Variants in LRRC63 observed in about 807,000 individuals in gnomAD.
The protein encoded by LRRC63 is leucine-rich repeat-containing protein 63.
In LRRC63, 40 loss-of-function variants were observed where a neutral mutation model predicts 49.5. That is an observed-to-expected ratio of 0.81 (90% CI 0.63 to 1.05). The LOEUF is 1.05. Among genes scored for constraint, LRRC63 ranks in the 50% least tolerant of loss-of-function variants. The pLI is 0.00. For synonymous variants in LRRC63, 191 were observed against 221.1 expected, an observed-to-expected ratio of 0.86 and a Z score of 1.21; for missense variants, 636 against 663.1, an observed-to-expected ratio of 0.96 and a Z score of 0.45.
chr13:46,212,803 A>C (rs1413708179), intron 1 of LRRC63, among the ~76,000 whole-genome samples, 199 bp from the exon 2 acceptor site: 3 of 152,198 alleles, frequency 2.0e-5, no homozygotes, highest in African/African-American at 4.8e-5. Context: ...ATAACCCTAC[A>C]TTTTAACTGG....
chr13:46,269,485 A>C (rs1292953413), intron 9 of LRRC63, among the ~76,000 whole-genome samples: 4 of 152,068 alleles, frequency 2.6e-5, no homozygotes, highest in African/African-American at 9.7e-5. Context: ...CAATAAAATC[A>C]GATTCCAGCT....
chr13:46,227,732 T>C, exon 3 of LRRC63: 1 of 1,550,470 alleles, frequency 6.4e-7, no homozygotes, highest in South Asian at 1.2e-5. Context: ...AGATTCCAGA[T>C]ACTGCTACTG....
At chr13:46,218,580 A>G (rs1157894357) in intron 2 of LRRC63, among the ~76,000 whole-genome samples, 1 of 152,134 alleles carries the variant, frequency 6.6e-6, no homozygotes, top group Non-Finnish European at 1.5e-5. Context: ...CTGTTTTAAT[A>G]GGGGCATTTA....
intron 2 of LRRC63, among the ~76,000 whole-genome samples, chr13:46,218,120 C>CGG (rs2046306941): frequency 6.6e-6 from 1 of 151,802 alleles, no homozygotes; most frequent in Non-Finnish European, 1.5e-5. Flanking sequence ...ATTAGGTCTT[C>CGG]TTGGTCCAAA....
At chr13:46,228,107 A>C (rs1438168588) in exon 3 of LRRC63, 1 of 1,550,344 alleles carries the variant, frequency 6.5e-7, no homozygotes. Flanking sequence ...CTACATTGAC[A>C]CTAAGAGTTA....
intron 8 of LRRC63, among the ~76,000 whole-genome samples, chr13:46,266,083 T>G (rs115516584): frequency 0.095 from 14,481 of 152,198 alleles, 1,170 homozygotes; most frequent in African/African-American, 0.22. Flanking sequence ...TGGACCAGCC[T>G]TTGATTTGAT....
chr13:46,266,915 AT>A lies in LRRC63; in HGVS notation c.1494del (p.Asn498LysfsTer12). 6.5e-7 allele frequency: 1 copy of A among 1,548,270 alleles called. No individual in the cohort carries two copies. The highest frequency in any genetic ancestry group is 8.7e-7 in the Non-Finnish European group (1 of 1,145,940). On this transcript the variant is annotated frameshift_variant, in exon 9 of 10. Transcript: ENST00000595396. LOFTEE classifies it high-confidence loss of function. ...ATTATTTCTTTGTTCATTGTCCAAAATAAACTACATAAATTTTATGATAAGA... is the reference window on the plus strand; with the variant it reads ...ATTATTTCTTTGTTCATTGTCCAAAAAAACTACATAAATTTTATGATAAGA...
chr13:46,227,725 T>C, exon 3 of LRRC63: 1 of 1,550,446 alleles, frequency 6.4e-7, no homozygotes, highest in Non-Finnish European at 8.7e-7. Context: ...CGTGAGCAGA[T>C]TCCAGATACT....
intron 7 of LRRC63, among the ~76,000 whole-genome samples, chr13:46,258,766 A>G (rs1173593871): frequency 2.8e-5 from 4 of 142,354 alleles, no homozygotes; most frequent in Non-Finnish European, 6.0e-5. Flanking sequence ...CCAAGATCAC[A>G]CCACTGCACT....
intron 9 of LRRC63, among the ~76,000 whole-genome samples, chr13:46,275,371 T>G (rs1164851615): frequency 6.6e-6 from 1 of 152,168 alleles, no homozygotes; most frequent in African/African-American, 2.4e-5. Flanking sequence ...GATAGCCTTA[T>G]TTTTAGTTTT....
At chr13:46,228,859 T>G (rs1594028870) in intron 4 of LRRC63, 126 bp downstream of exon 4, 1 of 622,482 alleles carries the variant, frequency 1.6e-6, no homozygotes, top group East Asian at 2.8e-5. Flanking sequence ...ATGTCTTACC[T>G]CATTTTCAGC....
intron 5 of LRRC63, among the ~76,000 whole-genome samples, chr13:46,246,157 A>G (rs977692550): frequency 6.6e-6 from 1 of 152,042 alleles, no homozygotes; most frequent in Non-Finnish European, 1.5e-5. Flanking sequence ...TTCACCTGCT[A>G]TGATCGTAAG....
At chr13:46,252,383 A>G (rs559404101) in intron 7 of LRRC63, among the ~76,000 whole-genome samples, 4 of 152,172 alleles carry the variant, frequency 2.6e-5, no homozygotes, top group African/African-American at 9.6e-5. Flanking sequence ...TTCTGGCTCC[A>G]TGTAAATTCT....
intron 8 of LRRC63, among the ~76,000 whole-genome samples, chr13:46,262,534 C>T (rs1172271101): frequency 1.3e-5 from 2 of 152,142 alleles, no homozygotes; most frequent in South Asian, 2.1e-4. Context: ...ATTTCTAGCA[C>T]ATCCAGCAGC....
At chr13:46,231,963 C>G (rs903261802) in intron 4 of LRRC63, among the ~76,000 whole-genome samples, 3 of 150,770 alleles carry the variant, frequency 2.0e-5, no homozygotes, top group Admixed American at 6.6e-5. Flanking sequence ...CTACAGGCGC[C>G]CGCCACCATG....
chr13:46,269,212 G>GAA (rs10674085), intron 9 of LRRC63, among the ~76,000 whole-genome samples: 4,119 of 143,214 alleles, frequency 0.029, 70 homozygotes, highest in Middle Eastern at 0.1. Context: ...AAATAAATCT[G>GAA]AAAAAAAAAA....
At chr13:46,250,117 A>G (rs1375303051) in intron 6 of LRRC63, 4 of 252,940 alleles carry the variant, frequency 1.6e-5, no homozygotes, top group Non-Finnish European at 3.0e-5. Flanking sequence ...GGAAAGCACC[A>G]TTCTTGAGTC....
intron 8 of LRRC63, among the ~76,000 whole-genome samples, chr13:46,263,460 T>C (rs1207497289): frequency 6.7e-6 from 1 of 148,440 alleles, no homozygotes; most frequent in Non-Finnish European, 1.5e-5. Context: ...TGGCATTCTA[T>C]TGTACTACCC....
rs117672607 is a variant in LRRC63 at position 46,242,645 on chromosome 13, A to G, written c.991-3882A>G. 2.4e-4 allele frequency among the ~76,000 whole-genome samples: 36 copies of G among 152,276 alleles called. No homozygotes were observed. The East Asian group carries it at 6.9e-3, about 29-fold the overall frequency. ...ATAATCAAATTAGCAAAAATCAAAG[A>G]GAAAGAATATTTGAAGCACAAAGAA... On this transcript the variant is annotated intron_variant, in intron 5 of 9. Coordinates refer to ENST00000595396, the Ensembl canonical transcript of LRRC63.
Sources: gnomAD v4.1 joint callset for allele counts (sites outside exome capture counted in the v4.1 genomes callset) on GRCh38, gnomAD v4.1.1 for gene constraint, MANE v1.5 for transcripts, NCBI Gene and HGNC (gene_info 2026-07-23, HGNC 2026-07-21) for gene names.